GON4L: variants seen among roughly 807,000 people sequenced by gnomAD.
GON4L encodes the protein GON-4-like protein.
A neutral mutation model predicts 211.8 loss-of-function variants in GON4L; 87 were observed. The observed-to-expected ratio is 0.41, with a 90% CI of 0.35 to 0.49. The LOEUF (loss-of-function observed/expected upper bound fraction) is 0.49, where lower values mean the gene tolerates loss of function less well. Ranked by LOEUF, GON4L falls within the 20% of genes least tolerant of loss-of-function variation. The pLI, the probability that GON4L is intolerant of heterozygous loss-of-function variation, is 0.15. For missense variants in GON4L, 2,155 were observed against 2,659.5 expected, an observed-to-expected ratio of 0.81 and a Z score of 4.17; for synonymous variants, 875 against 962.6, an observed-to-expected ratio of 0.91 and a Z score of 1.68.
intron 2 of GON4L, 118 bp from the exon 3 acceptor site, chr1:155,827,146 C>T (rs1005769683): frequency 1.4e-5 from 11 of 764,418 alleles, no homozygotes; most frequent in Non-Finnish European, 2.5e-5. Context: ...TAAGCATATA[C>T]TATATAGGAA....
intron 23 of GON4L, among the ~76,000 whole-genome samples, chr1:155,761,059 G>A (rs1661734575): frequency 6.6e-6 from 1 of 151,974 alleles, no homozygotes; most frequent in Non-Finnish European, 1.5e-5. Flanking sequence ...ATAAGAAAAA[G>A]CTATGACTAT....
At chr1:155,772,326 C>A (rs1057107375) in intron 18 of GON4L, among the ~76,000 whole-genome samples, 5 of 151,980 alleles carry the variant, frequency 3.3e-5, no homozygotes, top group African/African-American at 9.7e-5. Context: ...AAAACTAATA[C>A]AAAATGAATA....
chr1:155,812,106 T>C (rs958317786), intron 10 of GON4L, among the ~76,000 whole-genome samples: 3 of 151,846 alleles, frequency 2.0e-5, no homozygotes, highest in African/African-American at 7.3e-5. Context: ...CCACATGATA[T>C]ATACTAATTA....
intron 11 of GON4L, among the ~76,000 whole-genome samples, chr1:155,803,172 A>G (rs1666832146): frequency 1.3e-5 from 2 of 151,052 alleles, no homozygotes; most frequent in South Asian, 4.2e-4. Context: ...AGGACCTGTT[A>G]TTTTCTTTCA....
In GON4L at chr1:155,765,081, G is replaced by GTCCTCTTCT. The variant is rs1662305813; in HGVS notation, c.4383_4391dup (p.Glu1461_Glu1463dup). On this transcript the variant is annotated inframe_insertion, in exon 21 of 32. Coordinates refer to ENST00000368331, the MANE Select transcript of GON4L (RefSeq NM_001282860.2). ...CCTCATCTTGGGTGAGGTCATCAAA[G>GTCCTCTTCT]TCCTCTTCTTCCTCTTCTTCTGGCC... The GTCCTCTTCT allele has an allele frequency of 1.9e-6, 3 of 1,614,156 alleles. No individual in the cohort carries two copies. Among genetic ancestry groups the GTCCTCTTCT allele is most frequent in the Non-Finnish European group, 2.5e-6 (3 of 1,180,026 alleles).
At chr1:155,786,944 C>CTTGCTCTGTCGCCCAGGCT (rs1665003707) in intron 12 of GON4L, among the ~76,000 whole-genome samples, 1 of 149,290 alleles carries the variant, frequency 6.7e-6, no homozygotes, top group African/African-American at 2.5e-5. Context: ...TTTTTTGAGA[C>CTTGCTCTGTCGCCCAGGCT]GGAGTCTTGC....
At chr1:155,807,181 G>C (rs1384136784) in intron 10 of GON4L, among the ~76,000 whole-genome samples, 1 of 151,446 alleles carries the variant, frequency 6.6e-6, no homozygotes, top group Non-Finnish European at 1.5e-5. Flanking sequence ...TGACAAGATC[G>C]CTTGAGTCTA....
At chr1:155,777,035 A>C (rs1383816162) in intron 15 of GON4L, among the ~76,000 whole-genome samples, 1 of 152,192 alleles carries the variant, frequency 6.6e-6, no homozygotes, top group African/African-American at 2.4e-5. Flanking sequence ...AAAAAGGAAA[A>C]ACAAACCTAC....
chr1:155,782,818 C>G (rs1664558245), intron 14 of GON4L, among the ~76,000 whole-genome samples: 1 of 152,066 alleles, frequency 6.6e-6, no homozygotes, highest in Non-Finnish European at 1.5e-5. Context: ...CGCCACCATG[C>G]CTGGCTAATT....
At chr1:155,851,272 T>G (rs1376116734) in intron 2 of GON4L, among the ~76,000 whole-genome samples, 2 of 151,256 alleles carry the variant, frequency 1.3e-5, no homozygotes, top group Non-Finnish European at 2.9e-5. Context: ...GAGAATGGCA[T>G]GAACCCAGGA....
Position 155,776,494 on chromosome 1 carries a change from A to G in GON4L, c.2092-13T>C, listed in dbSNP as rs768084701. ...AGAGCTGAACGTGCTGGGGATGGAA[A>G]GAAAATGATGAAGTGACATGTTACC... On this transcript the variant is annotated splice_polypyrimidine_tract_variant and intron_variant, in intron 15 of 31. Coordinates refer to ENST00000368331, the MANE Select transcript of GON4L (RefSeq NM_001282860.2). The G allele has an allele frequency of 2.5e-6, 4 of 1,587,756 alleles. No individual in the cohort carries two copies. In the South Asian group the frequency reaches 4.4e-5, roughly 18 times the overall value.
downstream of GON4L, chr1:155,747,756 G>C (rs779604756): frequency 6.2e-7 from 1 of 1,613,778 alleles, no homozygotes; most frequent in African/African-American, 1.3e-5. Context: ...ACTCACCCCC[G>C]CCCAGGGCTT....
intron 2 of GON4L, chr1:155,846,545 A>G (rs917279762): frequency 2.0e-5 from 3 of 151,648 alleles, no homozygotes; most frequent in African/African-American, 7.3e-5. Context: ...AAAAGATAGG[A>G]AAAAGAAGAG....
At chr1:155,819,228 G>A (rs1668527161) in intron 6 of GON4L, among the ~76,000 whole-genome samples, 1 of 151,892 alleles carries the variant, frequency 6.6e-6, no homozygotes. Context: ...ACTTGAGCTT[G>A]GGAGGCAGAG....
rs1557880156 is a variant in GON4L, at chr1:155,805,080, G to A, written c.1514C>T (p.Pro505Leu). The part of the protein sequence containing the change: ...TRSKMPLKDV[P>L]LGQLEAELQA... The stretch of plus-strand genomic sequence containing the variant: ...GAGCTCTGCCTCTAATTGGCCCAGG[G>A]GAACATCTTTCAGGGGCATCTTAGA... Residue 505 changes from proline (P) to leucine (L), a missense_variant, in exon 11 of 32, where the codon CCC (proline) becomes CTC (leucine). Pro to Leu is a moderately conservative substitution (Grantham distance 98, BLOSUM62 -3). Transcript: ENST00000368331. The A allele has an allele frequency of 1.2e-6, 2 of 1,613,462 alleles. No homozygotes were observed. Among genetic ancestry groups the A allele is most frequent in the Non-Finnish European group, 8.5e-7 (1 of 1,179,480 alleles).
intron 2 of GON4L, among the ~76,000 whole-genome samples, chr1:155,843,124 C>G (rs949638049): frequency 2.0e-5 from 3 of 152,148 alleles, no homozygotes; most frequent in Non-Finnish European, 4.4e-5. Flanking sequence ...CTGAGAAACA[C>G]CTTACTTGTC....
At chr1:155,781,275 G>A (rs776420939) in intron 14 of GON4L, among the ~76,000 whole-genome samples, 1 of 150,728 alleles carries the variant, frequency 6.6e-6, no homozygotes, top group Non-Finnish European at 1.5e-5. Context: ...CCCAAGTAGC[G>A]GGGATTACAG....
At chr1:155,759,400 C>T (rs1018219156) in intron 24 of GON4L, among the ~76,000 whole-genome samples, 4 of 152,034 alleles carry the variant, frequency 2.6e-5, no homozygotes, top group Non-Finnish European at 5.9e-5. Context: ...GGAGAAACCC[C>T]GTCTTTACTA....
intron 14 of GON4L, among the ~76,000 whole-genome samples, chr1:155,781,711 T>C (rs1427728139): frequency 6.6e-6 from 1 of 152,034 alleles, no homozygotes; most frequent in African/African-American, 2.4e-5. Context: ...TCCGCCTGCC[T>C]TGGCCTCCCA....
Sources: allele counts gnomAD v4.1 joint callset (sites outside exome capture counted in the v4.1 genomes callset), GRCh38; gene constraint gnomAD v4.1.1; transcripts MANE v1.5; gene names NCBI Gene and HGNC (gene_info 2026-07-23, HGNC 2026-07-21).